Variants in ISM1 observed in about 807,000 individuals in gnomAD.
ISM1 encodes isthmin 1.
In ISM1, 25 loss-of-function variants were observed where a neutral mutation model predicts 46.3. The ratio of observed to expected loss-of-function variants is 0.54; its 90% CI spans 0.39 to 0.75. The LOEUF (loss-of-function observed/expected upper bound fraction) is 0.75. ISM1 is among the 30% of genes least tolerant of loss of function. The probability of loss-of-function intolerance (pLI) is 0.00; values close to 1 mark genes in which losing one functional copy is unlikely to be tolerated. For synonymous variants in ISM1, 255 were observed against 256.7 expected (o/e 0.99, Z 0.06); for missense variants, 536 against 625.4 (o/e 0.86, Z 1.52).
the ISM1 span, among the ~76,000 whole-genome samples, chr20:13,311,038 A>G: frequency 6.6e-6 from 1 of 152,146 alleles, no homozygotes; most frequent in African/African-American, 2.4e-5. Flanking sequence ...TACTGAAAAT[A>G]CAAAAATTAG....
chr20:13,231,759 C>T (rs116409465), intron 1 of ISM1, among the ~76,000 whole-genome samples: 4,803 of 152,172 alleles, frequency 0.032, 260 homozygotes, highest in African/African-American at 0.11. Flanking sequence ...GATAGTACTG[C>T]GAGGTTCATG....
At chr20:13,226,603 A>G (rs1466310069) in intron 1 of ISM1, among the ~76,000 whole-genome samples, 1 of 152,168 alleles carries the variant, frequency 6.6e-6, no homozygotes, top group African/African-American at 2.4e-5. Flanking sequence ...AGCTGTGGCC[A>G]TCTGTTGGCT....
intron 1 of ISM1, among the ~76,000 whole-genome samples, chr20:13,267,403 G>A (rs892510508): frequency 3.9e-5 from 6 of 152,122 alleles, no homozygotes; most frequent in Non-Finnish European, 7.4e-5. Flanking sequence ...GACTATTCCC[G>A]GCAGAGGTAC....
At chr20:13,288,751 A>T (rs2040321001) in intron 4 of ISM1, 68 bp downstream of exon 4, 1 of 1,456,270 alleles carries the variant, frequency 6.9e-7, no homozygotes, top group East Asian at 2.3e-5. Flanking sequence ...TTAAAAACTT[A>T]GTGACATTGT....
At chr20:13,240,574 A>C (rs890558497) in intron 1 of ISM1, among the ~76,000 whole-genome samples, 5 of 152,350 alleles carry the variant, frequency 3.3e-5, no homozygotes, top group South Asian at 4.1e-4. Flanking sequence ...GAACTTGCAG[A>C]AAAAAGCAAG....
the ISM1 span, among the ~76,000 whole-genome samples, chr20:13,311,013 G>C: frequency 6.6e-6 from 1 of 152,276 alleles, no homozygotes; most frequent in Non-Finnish European, 1.5e-5. Context: ...GGCCATCATG[G>C]TGAAACCCCA....
At chr20:13,237,055 T>C (rs1412342797) in intron 1 of ISM1, among the ~76,000 whole-genome samples, 1 of 152,202 alleles carries the variant, frequency 6.6e-6, no homozygotes, top group African/African-American at 2.4e-5. Context: ...GTGTGGGGGC[T>C]CCGGTCCCAC....
At chr20:13,274,696 C>T (rs971217388) in intron 2 of ISM1, among the ~76,000 whole-genome samples, 34 of 151,532 alleles carry the variant, frequency 2.2e-4, no homozygotes, top group African/African-American at 6.5e-4. Context: ...GCCCCCGGGC[C>T]TCTTGACTTT....
the ISM1 span, among the ~76,000 whole-genome samples, chr20:13,322,082 CAA>C: frequency 6.6e-6 from 1 of 152,148 alleles, no homozygotes; most frequent in African/African-American, 2.4e-5. Context: ...TTCAATAAAA[CAA>C]AATATTAAAA....
At chr20:13,320,580 G>A in the ISM1 span, among the ~76,000 whole-genome samples, 3 of 152,138 alleles carry the variant, frequency 2.0e-5, 1 homozygote, top group African/African-American at 7.2e-5. Context: ...CTTGACAGCA[G>A]GTGAGAGAAA....
intron 1 of ISM1, among the ~76,000 whole-genome samples, chr20:13,264,440 A>G (rs1435120104): frequency 6.6e-6 from 1 of 152,216 alleles, no homozygotes; most frequent in Non-Finnish European, 1.5e-5. Flanking sequence ...AATGATGCTT[A>G]GCACATTTTT....
chr20:13,270,380 T>C, intron 1 of ISM1, 124 bp from the exon 2 acceptor site: 1 of 1,063,746 alleles, frequency 9.4e-7, no homozygotes, highest in Non-Finnish European at 1.3e-6. Flanking sequence ...AAGTTTGGAA[T>C]GCCCTACTGG....
intron 1 of ISM1, among the ~76,000 whole-genome samples, chr20:13,262,914 G>A (rs1046405710): frequency 6.6e-6 from 1 of 152,184 alleles, no homozygotes; most frequent in African/African-American, 2.4e-5. Flanking sequence ...ACATCGTTAT[G>A]ATACATTCTG....
At chr20:13,255,197 T>C (rs982015006) in intron 1 of ISM1, among the ~76,000 whole-genome samples, 5 of 152,220 alleles carry the variant, frequency 3.3e-5, no homozygotes, top group Admixed American at 3.3e-4. Flanking sequence ...GAGGTGACAT[T>C]TAAGCTGAGA....
At chr20:13,324,159 C>T in the ISM1 span, among the ~76,000 whole-genome samples, 1 of 152,094 alleles carries the variant, frequency 6.6e-6, no homozygotes, top group African/African-American at 2.4e-5. Context: ...CTTTCATAAC[C>T]CTCACGAATG....
chr20:13,313,477 C>T, the ISM1 span, among the ~76,000 whole-genome samples: 9 of 152,212 alleles, frequency 5.9e-5, no homozygotes, highest in African/African-American at 2.2e-4. Flanking sequence ...TGTTTCTGCA[C>T]CTCACTTCCA....
chr20:13,311,247 A>AGATAGATAGATAGATAGATAGAT, the ISM1 span, among the ~76,000 whole-genome samples: 19 of 116,288 alleles, frequency 1.6e-4, no homozygotes, highest in African/African-American at 3.1e-4. Flanking sequence ...GATAGATGAT[A>AGATAGATAGATAGATAGATAGAT]GATAGATAGA....
At chr20:13,262,588 G>A (rs1020381312) in intron 1 of ISM1, among the ~76,000 whole-genome samples, 1 of 151,950 alleles carries the variant, frequency 6.6e-6, no homozygotes, top group East Asian at 1.9e-4. Flanking sequence ...GGACATAAAA[G>A]AAATCGGTCC....
chr20:13,321,868 G>C, the ISM1 span, among the ~76,000 whole-genome samples: 3 of 152,188 alleles, frequency 2.0e-5, no homozygotes, highest in African/African-American at 7.2e-5. Context: ...AGACTGCTCA[G>C]GTTTGACTCC....
Sources: allele counts gnomAD v4.1 joint callset (sites outside exome capture counted in the v4.1 genomes callset), GRCh38; gene constraint gnomAD v4.1.1; transcripts MANE v1.5; gene names NCBI Gene and HGNC (gene_info 2026-07-23, HGNC 2026-07-21).